AR: variants seen among roughly 807,000 people sequenced by gnomAD.
AR encodes the protein androgen receptor.
A neutral mutation model predicts 53.9 loss-of-function variants in AR; 8 were observed. The ratio of observed to expected loss-of-function variants is 0.15; its 90% CI spans 0.09 to 0.27. AR has a LOEUF of 0.27. Among genes scored for constraint, AR ranks in the 10% least tolerant of loss-of-function variants. AR has a pLI of 1.00. For missense variants in AR, 639 were observed against 742.5 expected (o/e 0.86, Z 1.62); for synonymous variants, 359 against 316.4 (o/e 1.13, Z -1.43).
At chrX:67,710,222 G>GGCTAGACAT (rs1720944316) in intron 3 of AR, among the ~76,000 whole-genome samples, 1 of 111,706 alleles carries the variant, frequency 9.0e-6, no homozygotes, top group Non-Finnish European at 1.9e-5. Flanking sequence ...CCTAGCAATC[G>GGCTAGACAT]GCTAGACATG....
chrX:67,683,492 A>C (rs778239248), intron 2 of AR, among the ~76,000 whole-genome samples: 1 of 112,211 alleles, frequency 8.9e-6, no homozygotes, highest in African/African-American at 3.2e-5. Flanking sequence ...TTTCCAGTCC[A>C]ATCTATCTCA....
chrX:67,668,446 T>G (rs1237482890), intron 2 of AR, among the ~76,000 whole-genome samples: 1 of 111,449 alleles, frequency 9.0e-6, no homozygotes, highest in Non-Finnish European at 1.9e-5. Flanking sequence ...TTTTAATGTG[T>G]TGTTGAATTC....
chrX:67,689,636 C>T, intron 3 of AR: 2 of 939,551 alleles, frequency 2.1e-6, no homozygotes, highest in Non-Finnish European at 2.7e-6. Flanking sequence ...TTCAGACTCT[C>T]AGCTGCTCAT....
chrX:67,575,221 G>C (rs944470971), intron 1 of AR, among the ~76,000 whole-genome samples: 6 of 110,438 alleles, frequency 5.4e-5, no homozygotes, highest in South Asian at 7.7e-4. Flanking sequence ...GAGAGGGAGA[G>C]AGAAAAGGAA....
At chrX:67,672,469 T>A (rs960994534) in intron 2 of AR, among the ~76,000 whole-genome samples, 1 of 111,155 alleles carries the variant, frequency 9.0e-6, no homozygotes, top group Non-Finnish European at 1.9e-5. Context: ...TCTCTGGTGG[T>A]GTATTTTATT....
At chrX:67,668,401 C>T (rs910168516) in intron 2 of AR, among the ~76,000 whole-genome samples, 38 of 111,754 alleles carry the variant, frequency 3.4e-4, no homozygotes, top group African/African-American at 1.2e-3. Context: ...CCTTGCATCC[C>T]GTGGTAAATC....
chrX:67,679,681 G>A (rs1371849853), intron 2 of AR, among the ~76,000 whole-genome samples: 3 of 111,635 alleles, frequency 2.7e-5, no homozygotes, highest in African/African-American at 9.7e-5. Flanking sequence ...TTGTATTTCT[G>A]TGATTTCTAG....
intron 3 of AR, among the ~76,000 whole-genome samples, chrX:67,692,044 T>C (rs1177261446): frequency 8.9e-6 from 1 of 112,255 alleles, no homozygotes; most frequent in African/African-American, 3.2e-5. Context: ...AGTCCTTTTA[T>C]ACACTGTCTG....
At chrX:67,607,632 A>T (rs1470077205) in intron 1 of AR, among the ~76,000 whole-genome samples, 1 of 112,265 alleles carries the variant, frequency 8.9e-6, no homozygotes, top group African/African-American at 3.2e-5. Context: ...ATCAAATGGG[A>T]TAATGGATTT....
chrX:67,681,570 T>C lies in AR; in HGVS notation c.1769-4440T>C, dbSNP rs1436266567. Among the ~76,000 whole-genome samples, 3 of 112,337 alleles carry C rather than the reference T, an allele frequency of 2.7e-5. No individual in the cohort carries two copies. In the Admixed American group the frequency reaches 2.8e-4, roughly 11 times the overall value. On this transcript the variant is annotated intron_variant, in intron 2 of 7. Coordinates refer to ENST00000374690, the MANE Select transcript of AR (RefSeq NM_000044.6). ...AATACTTTGTGCCCATTTTCATAAG[T>C]GAAGTGTCAGGCATCACATTGGACA...
chrX:67,619,327 C>T (rs140421414), intron 1 of AR, among the ~76,000 whole-genome samples: 1,322 of 109,879 alleles, frequency 0.012, 10 homozygotes, highest in Non-Finnish European at 0.02. Context: ...CTCTCTCTCT[C>T]TCTCTGTGTG....
At chrX:67,600,563 C>G (rs183572999) in intron 1 of AR, among the ~76,000 whole-genome samples, 6 of 110,399 alleles carry the variant, frequency 5.4e-5, no homozygotes, top group Admixed American at 4.8e-4. Flanking sequence ...GTTGGTGGGG[C>G]AGGGGAGGGT....
intron 1 of AR, among the ~76,000 whole-genome samples, chrX:67,547,057 C>CTA (rs1929795624): frequency 9.0e-6 from 1 of 111,067 alleles, no homozygotes; most frequent in Non-Finnish European, 1.9e-5. Context: ...AACAGAAATC[C>CTA]TATTGCACGG....
rs776886229 is a variant in AR at position 67,627,175 on chromosome X, T to A, written c.1617-16081T>A. On this transcript the variant is annotated intron_variant, in intron 1 of 7. Transcript: ENST00000374690. ...ATGGGATGGCTGGTTCAAATGGTAT[T>A]TCTAGTTCTAGATCCCTGAGGAATC... 1.3e-3 allele frequency among the ~76,000 whole-genome samples: 147 copies of A among 111,503 alleles called. 1 individual carries two copies. The highest frequency in any genetic ancestry group is 4.6e-3 in the African/African-American group (142 of 30,562).
At chrX:67,548,256 G>T (rs1026730004) in intron 1 of AR, among the ~76,000 whole-genome samples, 2 of 111,359 alleles carry the variant, frequency 1.8e-5, no homozygotes, top group African/African-American at 6.5e-5. Context: ...TTATTTCGTG[G>T]GCTGTTGAAG....
At chrX:67,576,332 C>A (rs1220725144) in intron 1 of AR, among the ~76,000 whole-genome samples, 1 of 110,339 alleles carries the variant, frequency 9.1e-6, no homozygotes, top group Non-Finnish European at 1.9e-5. Flanking sequence ...ATATAGTTGA[C>A]AACTAGAATT....
chrX:67,607,191 G>A (rs763913944), intron 1 of AR, among the ~76,000 whole-genome samples: 77 of 110,777 alleles, frequency 7.0e-4, no homozygotes, highest in African/African-American at 2.0e-3. Flanking sequence ...CACCACACCC[G>A]GCTAATTTTG....
intron 1 of AR, among the ~76,000 whole-genome samples, chrX:67,566,678 G>A (rs985099875): frequency 1.8e-5 from 2 of 111,100 alleles, no homozygotes; most frequent in Non-Finnish European, 3.8e-5. Context: ...GACAAAGATT[G>A]TTGTTTAAGA....
intron 2 of AR, among the ~76,000 whole-genome samples, chrX:67,682,033 G>C (rs949247837): frequency 9.0e-6 from 1 of 111,514 alleles, no homozygotes; most frequent in Non-Finnish European, 1.9e-5. Context: ...ATCATTTTAT[G>C]ATAAAATCTT....
Sources: allele counts gnomAD v4.1 joint callset (sites outside exome capture counted in the v4.1 genomes callset), GRCh38; gene constraint gnomAD v4.1.1; transcripts MANE v1.5; gene names NCBI Gene and HGNC (gene_info 2026-07-23, HGNC 2026-07-21).